Variants in ZCCHC4 observed in about 807,000 individuals in gnomAD.
The protein encoded by ZCCHC4 is rRNA N(6)-adenosine-methyltransferase ZCCHC4.
ZCCHC4 carries 54 observed loss-of-function variants against 67.7 expected under a neutral mutation model. The ratio of observed to expected loss-of-function variants is 0.80; its 90% CI spans 0.64 to 1.00. ZCCHC4 has a LOEUF of 1.00. Among genes scored for constraint, ZCCHC4 ranks in the 50% least tolerant of loss-of-function variants. The pLI is 0.00. For synonymous variants in ZCCHC4, 198 were observed against 213.5 expected, an observed-to-expected ratio of 0.93 and a Z score of 0.63; for missense variants, 609 against 617.0, an observed-to-expected ratio of 0.99 and a Z score of 0.14.
intron 9 of ZCCHC4, 119 bp from the exon 10 acceptor site, chr4:25,362,107 T>G: frequency 4.1e-6 from 6 of 1,453,056 alleles, no homozygotes; most frequent in Non-Finnish European, 5.6e-6. Context: ...GGTCCATAAT[T>G]TCATACTTAA....
intron 5 of ZCCHC4, among the ~76,000 whole-genome samples, chr4:25,336,801 T>C (rs1439048117): frequency 6.6e-6 from 1 of 152,182 alleles, no homozygotes; most frequent in East Asian, 1.9e-4. Flanking sequence ...TGGTGTTTTT[T>C]GAGTGCCTGT....
chr4:25,315,340 C>T lies in ZCCHC4; in HGVS notation c.269C>T (p.Ala90Val), dbSNP rs761118609. 4 of 1,612,860 alleles carry T rather than the reference C, an allele frequency of 2.5e-6. No individual in the cohort carries two copies. The highest frequency in any genetic ancestry group is 2.5e-6 in the Non-Finnish European group (3 of 1,179,304). ...DEKLSGARLA[A>V]REAHNRRCQP... Reference sequence around the variant, plus strand: ...CAGTTGTCAGGAGCTAGACTTGCTGCCCGAGAAGCTCATAACCGAAGATGT... The same window carrying T: ...CAGTTGTCAGGAGCTAGACTTGCTGTCCGAGAAGCTCATAACCGAAGATGT... The change falls in exon 3 of 13, where the codon GCC becomes GTC. Residue 90 changes from alanine to valine, a missense_variant. Ala to Val is a moderately conservative substitution (Grantham distance 64, BLOSUM62 0). Coordinates refer to ENST00000302874, the MANE Select transcript of ZCCHC4 (RefSeq NM_024936.3).
At chr4:25,348,023 T>C (rs1206292833) in intron 6 of ZCCHC4, among the ~76,000 whole-genome samples, 3 of 152,222 alleles carry the variant, frequency 2.0e-5, no homozygotes, top group African/African-American at 7.2e-5. Flanking sequence ...TTTAAAAATA[T>C]TTTTAAAGTT....
intron 3 of ZCCHC4, among the ~76,000 whole-genome samples, chr4:25,317,800 C>T (rs1718350753): frequency 6.6e-6 from 1 of 150,694 alleles, no homozygotes; most frequent in African/African-American, 2.4e-5. Context: ...ATTATTTAGT[C>T]CTGCAGAGGT....
chr4:25,312,816 G>C lies in ZCCHC4; in HGVS notation c.7G>C (p.Ala3Pro). MAASRNGFEAVEA... is the reference protein window; with the variant it reads MAPSRNGFEAVEA... ...TCGGGACGGCGGCGGGAAGATGGCG[G>C]CCTCCAGGAATGGGTTTGAAGCCGT... Residue 3 changes from alanine to proline, a missense_variant, in exon 1 of 13, where the codon GCC becomes CCC. By Grantham distance (27) the Ala-to-Pro change is conservative (BLOSUM62 -1). Coordinates refer to ENST00000302874, the MANE Select transcript of ZCCHC4 (RefSeq NM_024936.3). 6.2e-7 allele frequency: 1 copy of C among 1,613,214 alleles called. No homozygotes were observed. Among genetic ancestry groups the C allele is most frequent in the Non-Finnish European group, 8.5e-7 (1 of 1,179,992 alleles).
chr4:25,333,395 A>G lies in ZCCHC4; in HGVS notation c.542A>G (p.Gln181Arg), dbSNP rs775560036. The change falls in exon 4 of 13, where the codon CAG (glutamine) becomes CGG (arginine). Residue 181 changes from glutamine (Q) to arginine (R), a missense_variant. Transcript: ENST00000302874. ...TATCTGTTTGCTGATCGGAGCTGTC[A>G]GTTCTTGGTAGACTTACTTTCTGCC... ...AQYLFADRSC[Q>R]FLVDLLSALG... 2 of 1,614,184 alleles carry G rather than the reference A, an allele frequency of 1.2e-6. No individual in the cohort carries two copies. The highest frequency in any genetic ancestry group is 1.7e-6 in the Non-Finnish European group (2 of 1,180,008).
intron 5 of ZCCHC4, among the ~76,000 whole-genome samples, chr4:25,341,337 G>A (rs915676940): frequency 2.0e-5 from 3 of 152,102 alleles, no homozygotes; most frequent in African/African-American, 7.2e-5. Flanking sequence ...TGAATCATGG[G>A]GTTGATTCCC....
Position 25,369,186 on chromosome 4 carries a change from A to C in ZCCHC4, c.*22A>C. On this transcript the variant is annotated 3_prime_UTR_variant, in exon 13 of 13. Coordinates refer to ENST00000302874, the MANE Select transcript of ZCCHC4 (RefSeq NM_024936.3). The stretch of plus-strand genomic sequence containing the variant: ...TTAAATGTCCAGTGACTGGAGAATA[A>C]GAAAGATTTATGGTCCAACCTTTGA... 2 of 1,604,900 alleles carry C rather than the reference A, an allele frequency of 1.2e-6. No homozygotes were observed. The highest frequency in any genetic ancestry group is 4.5e-5 in the East Asian group (2 of 44,818).
chr4:25,316,267 G>T (rs1457573146), intron 3 of ZCCHC4, among the ~76,000 whole-genome samples: 2 of 152,168 alleles, frequency 1.3e-5, no homozygotes, highest in Non-Finnish European at 2.9e-5. Flanking sequence ...TTGCTGTTGT[G>T]AATGATGCTA....
chr4:25,358,251 T>A (rs1231236274), intron 8 of ZCCHC4, among the ~76,000 whole-genome samples: 1 of 152,226 alleles, frequency 6.6e-6, no homozygotes, highest in Non-Finnish European at 1.5e-5. Flanking sequence ...CTCCATTTTT[T>A]ACCTTATGCC....
In ZCCHC4 at chr4:25,354,446, C is replaced by A. The variant is rs1720433501; in HGVS notation, c.1011+2757C>A. Among the ~76,000 whole-genome samples, 4 of 152,110 alleles carry A rather than the reference C, an allele frequency of 2.6e-5. No homozygotes were observed. In the South Asian group the frequency reaches 8.3e-4, roughly 32 times the overall value. On this transcript the variant is annotated intron_variant, in intron 8 of 12. Transcript: ENST00000302874. ...AAAAAATGAGAACAAAGTCTAAAAGCAAATTTGTTTTTCCTAATTCCTGCT... is the reference window on the plus strand; with the variant it reads ...AAAAAATGAGAACAAAGTCTAAAAGAAAATTTGTTTTTCCTAATTCCTGCT...
rs372779261 is a variant in ZCCHC4, at chr4:25,312,814, C to T, written c.5C>T (p.Ala2Val). ...TTTCGGGACGGCGGCGGGAAGATGG[C>T]GGCCTCCAGGAATGGGTTTGAAGCC... M[A>V]ASRNGFEAVE... Residue 2 changes from alanine to valine, a missense_variant, in exon 1 of 13, where the codon GCG becomes GTG. By Grantham distance (64) the Ala-to-Val change is moderately conservative. Coordinates refer to ENST00000302874, the MANE Select transcript of ZCCHC4 (RefSeq NM_024936.3). The T allele has an allele frequency of 2.3e-5, 37 of 1,612,934 alleles. No homozygotes were observed. In the African/African-American group the frequency reaches 4.8e-4, roughly 21 times the overall value.
intron 3 of ZCCHC4, among the ~76,000 whole-genome samples, chr4:25,326,369 C>T (rs77382437): frequency 0.038 from 5,780 of 152,310 alleles, 145 homozygotes; most frequent in Non-Finnish European, 0.058. Flanking sequence ...TCTTAAGATC[C>T]GTCACTTCAT....
At chr4:25,362,939 G>C (rs536452545) in intron 10 of ZCCHC4, among the ~76,000 whole-genome samples, 5 of 152,096 alleles carry the variant, frequency 3.3e-5, no homozygotes, top group Non-Finnish European at 7.3e-5. Flanking sequence ...CCCGACACAT[G>C]CACATTCTCC....
intron 3 of ZCCHC4, among the ~76,000 whole-genome samples, chr4:25,328,440 A>G (rs1480400577): frequency 6.6e-6 from 1 of 152,140 alleles, no homozygotes; most frequent in Non-Finnish European, 1.5e-5. Context: ...GGGTTTTGCC[A>G]TATTGGCCAG....
At chr4:25,366,256 A>T (rs1720942077) in intron 12 of ZCCHC4, 1 of 889,408 alleles carries the variant, frequency 1.1e-6, no homozygotes, top group East Asian at 1.2e-4. Context: ...ATTTCCACTG[A>T]GTAATCCAGG....
chr4:25,344,280 C>T (rs953396958), intron 5 of ZCCHC4, among the ~76,000 whole-genome samples: 2 of 151,956 alleles, frequency 1.3e-5, no homozygotes, highest in African/African-American at 2.4e-5. Flanking sequence ...GAATACTATG[C>T]AGCCATAAAA....
chr4:25,334,490 T>C (rs910655358), intron 5 of ZCCHC4, among the ~76,000 whole-genome samples: 1 of 151,846 alleles, frequency 6.6e-6, no homozygotes, highest in Non-Finnish European at 1.5e-5. Context: ...AGCAGAGGAG[T>C]AGCCGACAGA....
chr4:25,349,236 G>T (rs1359182819), intron 6 of ZCCHC4, among the ~76,000 whole-genome samples: 1 of 152,156 alleles, frequency 6.6e-6, no homozygotes, highest in South Asian at 2.1e-4. Flanking sequence ...TTAACCATTT[G>T]AAATGTGTAG....
Sources: allele counts gnomAD v4.1 joint callset (sites outside exome capture counted in the v4.1 genomes callset), GRCh38; gene constraint gnomAD v4.1.1; transcripts MANE v1.5; gene names NCBI Gene and HGNC (gene_info 2026-07-23, HGNC 2026-07-21).